Variants in ARRB1 observed in about 807,000 individuals in gnomAD.
The protein encoded by ARRB1 is arrestin beta 1, also known as beta-arrestin-1.
ARRB1 carries 21 observed loss-of-function variants against 56.8 expected under a neutral mutation model. The ratio of observed to expected loss-of-function variants is 0.37; its 90% confidence interval spans 0.26 to 0.53. The LOEUF (loss-of-function observed/expected upper bound fraction) is 0.53. Among genes scored for constraint, ARRB1 ranks in the 20% least tolerant of loss-of-function variants. The probability of loss-of-function intolerance (pLI) is 0.88; values close to 1 mark genes in which losing one functional copy is unlikely to be tolerated. For missense variants in ARRB1, 424 were observed against 553.7 expected, an observed-to-expected ratio of 0.77 and a Z score of 2.35; for synonymous variants, 210 against 218.6, an observed-to-expected ratio of 0.96 and a Z score of 0.35.
intron 1 of ARRB1, among the ~76,000 whole-genome samples, chr11:75,299,273 GA>G (rs372196338): frequency 5.3e-4 from 80 of 150,900 alleles, no homozygotes; most frequent in African/African-American, 1.9e-3. Flanking sequence ...CAGAGAGAAT[GA>G]AAAAAAGGAA....
At chr11:75,338,020 A>G (rs575624788) in intron 1 of ARRB1, among the ~76,000 whole-genome samples, 5 of 152,102 alleles carry the variant, frequency 3.3e-5, no homozygotes, top group Non-Finnish European at 7.4e-5. Flanking sequence ...GGCTTGAGCA[A>G]AGGCACAGAG....
At chr11:75,266,831 G>A (rs1160783648) in intron 15 of ARRB1, among the ~76,000 whole-genome samples, 1 of 152,170 alleles carries the variant, frequency 6.6e-6, no homozygotes, top group African/African-American at 2.4e-5. Flanking sequence ...TTCTACCTTG[G>A]GGGATCCCAG....
At chr11:75,309,646 A>T (rs2140479297) in intron 1 of ARRB1, among the ~76,000 whole-genome samples, 1 of 152,286 alleles carries the variant, frequency 6.6e-6, no homozygotes, top group South Asian at 2.1e-4. Flanking sequence ...ACAGGAGGCT[A>T]GGTAGGTGGG....
intron 9 of ARRB1, 66 bp from the exon 10 acceptor site, chr11:75,276,977 G>GGCCCC: frequency 6.6e-7 from 1 of 1,522,562 alleles, no homozygotes. Flanking sequence ...TCTCACAGGC[G>GGCCCC]TCCCCGGGTT....
intron 1 of ARRB1, among the ~76,000 whole-genome samples, chr11:75,293,134 C>A (rs1310881535): frequency 6.6e-6 from 1 of 152,106 alleles, no homozygotes; most frequent in Non-Finnish European, 1.5e-5. Flanking sequence ...CTGCTGCTAA[C>A]CTTGTCAGCA....
At chr11:75,287,291 TC>T in intron 3 of ARRB1, 23 bp downstream of exon 3, 1 of 1,547,058 alleles carries the variant, frequency 6.5e-7, no homozygotes, top group African/African-American at 1.4e-5. Context: ...CCCCCAGCCC[TC>T]CTCTCGCCCT....
Position 75,286,050 on chromosome 11 carries a change from C to T in ARRB1, c.112+1265G>A, listed in dbSNP as rs376900176. Among the ~76,000 whole-genome samples, 82 of 152,224 alleles carry T rather than the reference C, an allele frequency of 5.4e-4. No homozygotes were observed. In the East Asian group the frequency reaches 8.2e-3, roughly 15 times the overall value. ...GGAGGGGAGAATTGGGGGTGTTCTG[C>T]TCTAGGCCATGAAGGGCTCTGCTGA... On this transcript the variant is annotated intron_variant, in intron 3 of 15. Coordinates refer to ENST00000420843, the MANE Select transcript of ARRB1 (RefSeq NM_004041.5).
chr11:75,277,342 G>A, intron 9 of ARRB1, 22 bp downstream of exon 9: 1 of 1,609,690 alleles, frequency 6.2e-7, no homozygotes, highest in South Asian at 1.1e-5. Flanking sequence ...TGTCCCCTAA[G>A]CTGACCCTCT....
chr11:75,306,680 C>T lies in ARRB1; in HGVS notation c.21-16641G>A. On this transcript the variant is annotated intron_variant, in intron 1 of 15. Coordinates refer to ENST00000420843, the MANE Select transcript of ARRB1 (RefSeq NM_004041.5). ...GGGCTGCAGGCAGCAGCAGCCAGGCCAGGGCCAGCCCCGCAGGCTCAGCTC... is the reference window on the plus strand; with the variant it reads ...GGGCTGCAGGCAGCAGCAGCCAGGCTAGGGCCAGCCCCGCAGGCTCAGCTC... 4.7e-6 allele frequency: 6 copies of T among 1,282,636 alleles called. No individual in the cohort carries two copies. The South Asian group carries it at 6.2e-5, about 13-fold the overall frequency. 79.5% of individuals were successfully genotyped at this position (1,282,636 alleles called of 1,614,324 possible). A position where few individuals can be genotyped will look rare whatever the true frequency, so the allele number is the denominator to read the frequency against.
rs1369725244 is a variant in ARRB1, at chr11:75,262,302, G to C, written c.*3861C>G. The C allele has an allele frequency of 6.6e-6, 1 of 152,240 alleles. No homozygotes were observed. The highest frequency in any genetic ancestry group is 6.5e-5 in the Admixed American group (1 of 15,282). 9.4% of individuals were successfully genotyped at this position (152,240 alleles called of 1,614,324 possible). On this transcript the variant is annotated 3_prime_UTR_variant, in exon 16 of 16. Coordinates refer to ENST00000420843, the MANE Select transcript of ARRB1 (RefSeq NM_004041.5). ...ATGGGAGATGTGACACCAGGCCTAG[G>C]AGGGTCCAAGATGTCCCCCTCCACC...
chr11:75,294,323 G>A (rs1326168896), intron 1 of ARRB1, among the ~76,000 whole-genome samples: 2 of 151,982 alleles, frequency 1.3e-5, no homozygotes, highest in East Asian at 1.9e-4. Context: ...AATCCCAGCC[G>A]AGGTGGGAGG....
intron 1 of ARRB1, among the ~76,000 whole-genome samples, chr11:75,312,338 C>T (rs953446275): frequency 1.3e-5 from 2 of 152,244 alleles, no homozygotes; most frequent in African/African-American, 4.8e-5. Context: ...AAGGGACAGT[C>T]TGCCTGTGTG....
In ARRB1 at chr11:75,264,518, C is replaced by T. The variant is rs1251209109; in HGVS notation, c.*1645G>A. ...ATGCTCTGTCCCTCCTTGGGCAACT[C>T]ATGCTACCTATGGCCACAGCCTGAC... On this transcript the variant is annotated 3_prime_UTR_variant, in exon 16 of 16. Transcript: ENST00000420843. 6.6e-6 allele frequency: 1 copy of T among 152,310 alleles called. No individual in the cohort carries two copies. The highest frequency in any genetic ancestry group is 1.5e-5 in the Non-Finnish European group (1 of 68,128). 9.4% of individuals were successfully genotyped at this position (152,310 alleles called of 1,614,324 possible).
chr11:75,287,236 G>T, intron 3 of ARRB1, 79 bp downstream of exon 3: 1 of 1,456,008 alleles, frequency 6.9e-7, no homozygotes, highest in Non-Finnish European at 9.3e-7. Context: ...GGGCCCCTCT[G>T]GAGAGCTGAG....
chr11:75,292,519 G>A (rs578130), intron 1 of ARRB1, among the ~76,000 whole-genome samples: 39,471 of 152,160 alleles, frequency 0.26, 6,782 homozygotes, highest in Non-Finnish European at 0.38. Flanking sequence ...GCTAAAGTGA[G>A]GAAAAATACA....
intron 2 of ARRB1, among the ~76,000 whole-genome samples, chr11:75,288,053 G>A (rs982264154): frequency 6.6e-5 from 10 of 152,028 alleles, no homozygotes; most frequent in African/African-American, 2.4e-4. Context: ...AGTAGAGATG[G>A]GGTTTCACCA....
intron 10 of ARRB1, among the ~76,000 whole-genome samples, chr11:75,275,157 A>ATTTTATTTT (rs761453235): frequency 0.01 from 1,563 of 150,618 alleles, 14 homozygotes; most frequent in Non-Finnish European, 0.016. Flanking sequence ...ATTTTATTTT[A>ATTTTATTTT]TTTTTTTGAG....
intron 1 of ARRB1, among the ~76,000 whole-genome samples, chr11:75,301,076 G>A (rs1217687326): frequency 1.3e-5 from 2 of 151,790 alleles, no homozygotes; most frequent in East Asian, 1.9e-4. Flanking sequence ...CCCAGGAGGA[G>A]GAAGTGGCAG....
intron 6 of ARRB1, 124 bp from the exon 7 acceptor site, chr11:75,281,266 C>T: frequency 5.4e-6 from 5 of 927,564 alleles, no homozygotes; most frequent in Non-Finnish European, 8.3e-6. Context: ...CACAGCCCAG[C>T]CTTCCTTGGT....
Sources: gnomAD v4.1 joint callset for allele counts (sites outside exome capture counted in the v4.1 genomes callset) on GRCh38, gnomAD v4.1.1 for gene constraint, MANE v1.5 for transcripts, NCBI Gene and HGNC (gene_info 2026-07-23, HGNC 2026-07-21) for gene names.